The following C19orf47 variants were observed in gnomAD, a reference collection of about 807,000 sequenced individuals.
C19orf47 encodes the protein uncharacterized protein C19orf47.
A neutral mutation model predicts 32.3 loss-of-function variants in C19orf47; 18 were observed. The observed-to-expected ratio is 0.56, with a 90% CI of 0.39 to 0.83. C19orf47 has a LOEUF of 0.83. Ranked by LOEUF, C19orf47 falls within the 40% of genes least tolerant of loss-of-function variation. The probability of loss-of-function intolerance (pLI) is 0.00; values close to 1 mark genes in which losing one functional copy is unlikely to be tolerated. For missense variants in C19orf47, 484 were observed against 531.6 expected (o/e 0.91, Z 0.88); for synonymous variants, 202 against 211.1 (o/e 0.96, Z 0.37).
At chr19:40,293,777 A>C in the C19orf47 span, among the ~76,000 whole-genome samples, 1 of 151,892 alleles carries the variant, frequency 6.6e-6, no homozygotes, top group Non-Finnish European at 1.5e-5. Context: ...TGCTACTGTT[A>C]ATCTGCCTTA....
At chr19:40,332,361 A>T (rs1303344992) in intron 5 of C19orf47, among the ~76,000 whole-genome samples, 2 of 151,620 alleles carry the variant, frequency 1.3e-5, no homozygotes, top group Non-Finnish European at 2.9e-5. Context: ...TCAAGGGAAA[A>T]AAAAAAAGGT....
chr19:40,330,339 G>C lies in C19orf47; in HGVS notation c.302-1789C>G, dbSNP rs926387063. On this transcript the variant is annotated intron_variant, in intron 5 of 8. Transcript: ENST00000683109. ...TGCCTCCCAGGTTCACACCATTCTC[G>C]TGCCTCAGCCTCCCGAGTAGCTGGG... 3.3e-5 allele frequency among the ~76,000 whole-genome samples: 5 copies of C among 150,790 alleles called. No individual in the cohort carries two copies. The South Asian group carries it at 6.3e-4, about 19-fold the overall frequency.
chr19:40,293,108 A>G, the C19orf47 span, among the ~76,000 whole-genome samples: 8 of 150,676 alleles, frequency 5.3e-5, no homozygotes, highest in East Asian at 1.4e-3. Flanking sequence ...TTTAAATCTC[A>G]TATTTTGTGG....
intron 5 of C19orf47, among the ~76,000 whole-genome samples, chr19:40,333,306 T>TAAATAAAA (rs1250130712): frequency 3.8e-4 from 57 of 150,750 alleles, no homozygotes; most frequent in African/African-American, 1.4e-3. Context: ...AATAAATAAA[T>TAAATAAAA]AAAATGGCCC....
At chr19:40,299,977 C>T in the C19orf47 span, among the ~76,000 whole-genome samples, 1 of 151,592 alleles carries the variant, frequency 6.6e-6, no homozygotes, top group East Asian at 1.9e-4. Flanking sequence ...TGCAGAGAGC[C>T]GAGATCGCAC....
the C19orf47 span, among the ~76,000 whole-genome samples, chr19:40,306,788 A>AG: frequency 3.6e-5 from 2 of 56,026 alleles, no homozygotes; most frequent in Non-Finnish European, 7.0e-5. Context: ...GAATGTCATT[A>AG]AAATTTTTTT....
downstream of C19orf47, among the ~76,000 whole-genome samples, chr19:40,318,316 T>C (rs2077676961): frequency 2.6e-5 from 4 of 152,238 alleles, 1 homozygote; most frequent in Admixed American, 2.6e-4. Flanking sequence ...TCAAACTCAG[T>C]CCTGCCACCC....
At chr19:40,295,020 GCTTT>G in the C19orf47 span, among the ~76,000 whole-genome samples, 5 of 152,140 alleles carry the variant, frequency 3.3e-5, no homozygotes, top group Non-Finnish European at 4.4e-5. Flanking sequence ...AAAGGTCTTT[GCTTT>G]CTTTTTTTCT....
chr19:40,341,279 A>G (rs1436744774), intron 2 of C19orf47, among the ~76,000 whole-genome samples: 1 of 152,022 alleles, frequency 6.6e-6, no homozygotes, highest in Non-Finnish European at 1.5e-5. Context: ...GGCTGCAGTG[A>G]GCCGAGATCG....
chr19:40,321,778 T>C lies in C19orf47; in HGVS notation c.*104A>G, dbSNP rs946884621. 4 of 1,440,890 alleles carry C rather than the reference T, an allele frequency of 2.8e-6. No homozygotes were observed. The African/African-American group carries it at 5.7e-5, about 21-fold the overall frequency. The allele number at this position is 1,440,890 out of a possible 1,614,324, so 89.3% of individuals were successfully genotyped here. On this transcript the variant is annotated 3_prime_UTR_variant, in exon 9 of 9. Transcript: ENST00000683109. ...GCTCTAGAGCCCGAGGGAGACAAGCTGTGTCATCCAGGAGCTGGTGGGAGG... is the reference window on the plus strand; with the variant it reads ...GCTCTAGAGCCCGAGGGAGACAAGCCGTGTCATCCAGGAGCTGGTGGGAGG...
chr19:40,302,195 A>T, the C19orf47 span, among the ~76,000 whole-genome samples: 1 of 152,198 alleles, frequency 6.6e-6, no homozygotes, highest in Admixed American at 6.6e-5. Flanking sequence ...ACAATCAATC[A>T]TTATTCTTAC....
At chr19:40,328,923 G>A (rs2077892541) in intron 5 of C19orf47, among the ~76,000 whole-genome samples, 1 of 152,076 alleles carries the variant, frequency 6.6e-6, no homozygotes, top group South Asian at 2.1e-4. Context: ...CTTCCTCAGG[G>A]TCCCTGCTGT....
chr19:40,322,602 G>T (rs917875289), intron 8 of C19orf47, among the ~76,000 whole-genome samples: 1 of 152,238 alleles, frequency 6.6e-6, no homozygotes, highest in Non-Finnish European at 1.5e-5. Context: ...CGCCCTGAGA[G>T]GGGGGACATC....
intron 5 of C19orf47, among the ~76,000 whole-genome samples, chr19:40,330,005 C>T (rs1200640085): frequency 6.6e-6 from 1 of 152,158 alleles, no homozygotes; most frequent in African/African-American, 2.4e-5. Flanking sequence ...GTTAAGCAAC[C>T]AACTCTGTCT....
chr19:40,342,226 C>A, intron 1 of C19orf47: 1 of 345,838 alleles, frequency 2.9e-6, no homozygotes, highest in Non-Finnish European at 4.9e-6. Context: ...TGGCTCATGC[C>A]TGTAATCCCA....
chr19:40,330,007 A>G (rs2077915692), intron 5 of C19orf47, among the ~76,000 whole-genome samples: 1 of 152,098 alleles, frequency 6.6e-6, no homozygotes, highest in Non-Finnish European at 1.5e-5. Context: ...TAAGCAACCA[A>G]CTCTGTCTTT....
At chr19:40,335,502 T>C (rs943831767) in intron 4 of C19orf47, among the ~76,000 whole-genome samples, 1 of 152,174 alleles carries the variant, frequency 6.6e-6, no homozygotes, top group African/African-American at 2.4e-5. Context: ...TCCCAGTATT[T>C]TGGGAGACCG....
rs1444851522 is a variant in C19orf47 at position 40,336,316 on chromosome 19, T to C, written c.107+4A>G. The C allele has an allele frequency of 6.2e-7, 1 of 1,614,042 alleles. No homozygotes were observed. Among genetic ancestry groups the C allele is most frequent in the African/African-American group, 1.3e-5 (1 of 74,926 alleles). On this transcript the variant is annotated splice_donor_region_variant and intron_variant, in intron 3 of 8. Transcript: ENST00000683109. The stretch of plus-strand genomic sequence containing the variant: ...CACCCCATCCCCAAGTTCAGCCTCC[T>C]CACCTATTATCCACAAACATCACGG...
intron 8 of C19orf47, among the ~76,000 whole-genome samples, chr19:40,322,960 C>A (rs1445186011): frequency 2.6e-5 from 4 of 152,186 alleles, no homozygotes; most frequent in African/African-American, 9.7e-5. Flanking sequence ...GGGGTGGCTC[C>A]TCATCAGTCC....
Sources: allele counts gnomAD v4.1 joint callset (sites outside exome capture counted in the v4.1 genomes callset), GRCh38; gene constraint gnomAD v4.1.1; transcripts MANE v1.5; gene names NCBI Gene and HGNC (gene_info 2026-07-23, HGNC 2026-07-21).